Variants in KCNIP4 observed in about 807,000 individuals in gnomAD.
The protein encoded by KCNIP4 is potassium voltage-gated channel interacting protein 4, also known as Kv channel-interacting protein 4.
Under a neutral mutation model 34.0 loss-of-function variants are expected in KCNIP4, and 12 were observed. That is an observed-to-expected ratio of 0.35 (90% CI 0.23 to 0.57). The LOEUF is 0.57. Ranked by LOEUF, KCNIP4 falls within the 20% of genes least tolerant of loss-of-function variation. The pLI is 0.83. For missense variants in KCNIP4, 238 were observed against 311.7 expected, an observed-to-expected ratio of 0.76 and a Z score of 1.78; for synonymous variants, 124 against 102.2, an observed-to-expected ratio of 1.21 and a Z score of -1.29.
chr4:21,795,024 C>A (rs1367790207), intron 1 of KCNIP4, among the ~76,000 whole-genome samples: 1 of 152,154 alleles, frequency 6.6e-6, no homozygotes, highest in Non-Finnish European at 1.5e-5. Context: ...TTACTACAGA[C>A]TGAATTTTCA....
At chr4:21,032,272 G>A (rs78085564) in intron 1 of KCNIP4, among the ~76,000 whole-genome samples, 199 of 152,226 alleles carry the variant, frequency 1.3e-3, no homozygotes, top group African/African-American at 4.2e-3. Context: ...TTGTGTTTGC[G>A]CTGGGCTTAG....
intron 1 of KCNIP4, among the ~76,000 whole-genome samples, chr4:21,329,148 AAAC>A (rs1715378449): frequency 6.6e-6 from 1 of 152,244 alleles, no homozygotes; most frequent in Non-Finnish European, 1.5e-5. Flanking sequence ...AGTCTGTGTA[AAAC>A]AATGCATGCA....
At chr4:21,478,445 G>A (rs1731167365) in intron 1 of KCNIP4, among the ~76,000 whole-genome samples, 1 of 152,054 alleles carries the variant, frequency 6.6e-6, no homozygotes, top group Non-Finnish European at 1.5e-5. Flanking sequence ...TTTTTAATGG[G>A]GTGGGGGAAA....
chr4:21,426,687 C>T lies in KCNIP4; in HGVS notation c.61+521884G>A, dbSNP rs1725955152. 3.3e-5 allele frequency among the ~76,000 whole-genome samples: 5 copies of T among 151,760 alleles called. No homozygotes were observed. The South Asian group carries it at 1.0e-3, about 32-fold the overall frequency. On this transcript the variant is annotated intron_variant, in intron 1 of 8. Transcript: ENST00000382152. The stretch of plus-strand genomic sequence containing the variant: ...CGTTTAAGGGAACAGTCAGAGTTAG[C>T]ATTTATTTATTTAACAAATATTTAT...
At chr4:21,865,998 T>C (rs887369274) in intron 1 of KCNIP4, among the ~76,000 whole-genome samples, 5 of 151,866 alleles carry the variant, frequency 3.3e-5, no homozygotes, top group Non-Finnish European at 1.5e-5. Context: ...ATGAAGTGAC[T>C]TTGATGAACT....
At chr4:21,636,760 A>T (rs1746201542) in intron 1 of KCNIP4, among the ~76,000 whole-genome samples, 2 of 152,230 alleles carry the variant, frequency 1.3e-5, no homozygotes, top group African/African-American at 4.8e-5. Flanking sequence ...ACAATGGCAA[A>T]TAAGAAATAA....
chr4:21,455,685 C>G (rs560874661), intron 1 of KCNIP4, among the ~76,000 whole-genome samples: 1 of 149,342 alleles, frequency 6.7e-6, no homozygotes, highest in Admixed American at 6.7e-5. Context: ...AGCCCTCAAC[C>G]AAGTTTCTAT....
At chr4:21,118,996 T>A (rs1444972851) in intron 1 of KCNIP4, among the ~76,000 whole-genome samples, 1 of 152,202 alleles carries the variant, frequency 6.6e-6, no homozygotes, top group East Asian at 1.9e-4. Context: ...ATCCATTGAG[T>A]TTCCTTAGAT....
At chr4:20,779,586 C>A (rs561407674) in intron 3 of KCNIP4, among the ~76,000 whole-genome samples, 4 of 135,148 alleles carry the variant, frequency 3.0e-5, no homozygotes, top group East Asian at 2.1e-4. Context: ...ACCCCCCCCC[C>A]CCACACAAAA....
intron 3 of KCNIP4, among the ~76,000 whole-genome samples, chr4:20,834,780 T>C (rs1718845694): frequency 6.6e-6 from 1 of 152,202 alleles, no homozygotes; most frequent in Non-Finnish European, 1.5e-5. Flanking sequence ...TCTGCTTCTC[T>C]GCAGGTGCCA....
chr4:20,854,171 C>CA, intron 2 of KCNIP4, among the ~76,000 whole-genome samples: 1 of 152,264 alleles, frequency 6.6e-6, no homozygotes, highest in East Asian at 1.9e-4. Flanking sequence ...AGTCATTATT[C>CA]AAAAAAGATA....
intron 3 of KCNIP4, among the ~76,000 whole-genome samples, chr4:20,762,252 C>T (rs1365839585): frequency 6.6e-6 from 1 of 152,102 alleles, no homozygotes; most frequent in African/African-American, 2.4e-5. Context: ...TAAAAGGACA[C>T]TTATCTAATT....
chr4:21,596,482 C>T (rs1270201256), intron 1 of KCNIP4, among the ~76,000 whole-genome samples: 1 of 151,998 alleles, frequency 6.6e-6, no homozygotes, highest in Admixed American at 6.6e-5. Flanking sequence ...TATTGTCTTT[C>T]TTAACTTGGC....
chr4:21,385,221 C>G (rs1413107422), intron 1 of KCNIP4, among the ~76,000 whole-genome samples: 1 of 152,098 alleles, frequency 6.6e-6, no homozygotes, highest in African/African-American at 2.4e-5. Context: ...CAATATTGTT[C>G]TGGTTAAAGG....
chr4:21,554,764 C>T (rs543395431), intron 1 of KCNIP4, among the ~76,000 whole-genome samples: 27 of 152,190 alleles, frequency 1.8e-4, no homozygotes, highest in African/African-American at 6.0e-4. Context: ...TGCCTACTTT[C>T]TCCTATCATT....
chr4:21,872,634 G>A (rs1725883202), intron 1 of KCNIP4, among the ~76,000 whole-genome samples: 1 of 152,048 alleles, frequency 6.6e-6, no homozygotes, highest in Admixed American at 6.6e-5. Context: ...ATCTTAAGAA[G>A]GAATAGATAA....
chr4:21,275,341 T>C lies in KCNIP4; in HGVS notation c.62-392632A>G, dbSNP rs992144839. On this transcript the variant is annotated intron_variant, in intron 1 of 8. Coordinates refer to ENST00000382152, the MANE Select transcript of KCNIP4 (RefSeq NM_025221.6). ...CTGGGCATCAGTGTTCAGAGTACAC[T>C]GTTATGAGCCCATGCTGAATGCCTC... Among the ~76,000 whole-genome samples, 7 of 152,138 alleles carry C rather than the reference T, an allele frequency of 4.6e-5. No individual in the cohort carries two copies. The East Asian group carries it at 1.4e-3, about 29-fold the overall frequency.
At chr4:21,352,643 C>A (rs1379987395) in intron 1 of KCNIP4, among the ~76,000 whole-genome samples, 1 of 152,230 alleles carries the variant, frequency 6.6e-6, no homozygotes, top group Non-Finnish European at 1.5e-5. Context: ...CTGGGCGGAG[C>A]CCACCACAGC....
At chr4:21,031,123 G>GACTATACA (rs1214244412) in intron 1 of KCNIP4, among the ~76,000 whole-genome samples, 1 of 152,188 alleles carries the variant, frequency 6.6e-6, no homozygotes, top group Non-Finnish European at 1.5e-5. Context: ...CGCCTCCCAT[G>GACTATACA]ACTATACAAC....
Sources: allele counts gnomAD v4.1 joint callset (sites outside exome capture counted in the v4.1 genomes callset), GRCh38; gene constraint gnomAD v4.1.1; transcripts MANE v1.5; gene names NCBI Gene and HGNC (gene_info 2026-07-23, HGNC 2026-07-21).